The following TBC1D14 variants were observed in gnomAD, a reference collection of about 807,000 sequenced individuals.
TBC1D14 encodes the protein TBC1 domain family member 14.
Under a neutral mutation model 79.0 loss-of-function variants are expected in TBC1D14, and 26 were observed. The observed-to-expected ratio is 0.33, with a 90% confidence interval of 0.24 to 0.46. The LOEUF (loss-of-function observed/expected upper bound fraction) is 0.46, where lower values mean the gene tolerates loss of function less well. Ranked by LOEUF, TBC1D14 falls within the 20% of genes least tolerant of loss-of-function variation. TBC1D14 has a pLI of 1.00. For synonymous variants in TBC1D14, 394 were observed against 349.9 expected, an observed-to-expected ratio of 1.13 and a Z score of -1.40; for missense variants, 769 against 887.6, an observed-to-expected ratio of 0.87 and a Z score of 1.70.
At chr4:6,960,424 T>C (rs1341862607) in intron 2 of TBC1D14, among the ~76,000 whole-genome samples, 1 of 152,054 alleles carries the variant, frequency 6.6e-6, no homozygotes, top group Non-Finnish European at 1.5e-5. Flanking sequence ...AATATCCTGC[T>C]CCAGAAGCAA....
intron 12 of TBC1D14, among the ~76,000 whole-genome samples, chr4:7,020,125 T>C (rs1415552953): frequency 8.7e-6 from 1 of 115,356 alleles, no homozygotes; most frequent in Non-Finnish European, 1.8e-5. Flanking sequence ...GTATGTGAAC[T>C]CCTCTGGCCT....
At chr4:6,913,065 G>A (rs1425997390) in intron 1 of TBC1D14, among the ~76,000 whole-genome samples, 2 of 152,030 alleles carry the variant, frequency 1.3e-5, no homozygotes, top group African/African-American at 4.8e-5. Flanking sequence ...GTGAGATCTC[G>A]GCTCACTGCA....
At chr4:6,957,674 G>A (rs1714769538) in intron 2 of TBC1D14, among the ~76,000 whole-genome samples, 1 of 152,208 alleles carries the variant, frequency 6.6e-6, no homozygotes, top group South Asian at 2.1e-4. Flanking sequence ...AGAGGGAGAA[G>A]GCCAAGGCGG....
At chr4:6,987,106 G>T (rs1192272381) in intron 3 of TBC1D14, 2 of 763,726 alleles carry the variant, frequency 2.6e-6, no homozygotes, top group Non-Finnish European at 3.2e-6. Context: ...GCCCCTCGCC[G>T]CTCATCAGCC....
At chr4:6,997,625 C>CAA (rs1192612664) in intron 5 of TBC1D14, among the ~76,000 whole-genome samples, 1 of 149,580 alleles carries the variant, frequency 6.7e-6, no homozygotes, top group African/African-American at 2.5e-5. Flanking sequence ...GACTCCATCT[C>CAA]AAAAAAAAAT....
At position 7,016,656 on chromosome 4, in the gene TBC1D14, G is replaced by T. The variant is rs1721312560; in HGVS notation, c.1757+2099G>T. Among the ~76,000 whole-genome samples, 3 of 152,240 alleles carry T rather than the reference G, an allele frequency of 2.0e-5. No individual in the cohort carries two copies. The South Asian group carries it at 6.2e-4, about 32-fold the overall frequency. ...GTGCAGAAACTTAACACGTACGTAT[G>T]CTGGGAACGGTGGTTTCATGACCCA... On this transcript the variant is annotated intron_variant, in intron 12 of 13. Transcript: ENST00000409757.
chr4:7,024,895 C>T, intron 12 of TBC1D14, 109 bp from the exon 13 acceptor site: 1 of 1,479,108 alleles, frequency 6.8e-7, no homozygotes, highest in Non-Finnish European at 9.2e-7. Flanking sequence ...CCAGCTGTTG[C>T]CTGAAAGTGA....
At chr4:6,973,891 T>C (rs940596905) in intron 3 of TBC1D14, among the ~76,000 whole-genome samples, 1 of 152,170 alleles carries the variant, frequency 6.6e-6, no homozygotes, top group East Asian at 1.9e-4. Flanking sequence ...TGGCGCAATC[T>C]TGGCTTACTG....
intron 2 of TBC1D14, among the ~76,000 whole-genome samples, chr4:6,940,534 G>T (rs1046367306): frequency 6.6e-6 from 1 of 152,182 alleles, no homozygotes; most frequent in Non-Finnish European, 1.5e-5. Context: ...CAGCCTTGCT[G>T]GGGTTGAGGT....
chr4:6,922,845 G>A (rs1723973420), intron 1 of TBC1D14, among the ~76,000 whole-genome samples: 1 of 151,996 alleles, frequency 6.6e-6, no homozygotes, highest in Non-Finnish European at 1.5e-5. Flanking sequence ...TTTTTACTTC[G>A]GGTGCATCCT....
intron 3 of TBC1D14, among the ~76,000 whole-genome samples, chr4:6,989,116 C>T (rs553154999): frequency 6.6e-6 from 1 of 151,990 alleles, no homozygotes; most frequent in South Asian, 2.1e-4. Context: ...TTGAAGCAGG[C>T]TTTTCCCCCG....
chr4:6,980,592 T>A (rs1717277041), intron 3 of TBC1D14, among the ~76,000 whole-genome samples: 1 of 151,716 alleles, frequency 6.6e-6, no homozygotes, highest in Non-Finnish European at 1.5e-5. Flanking sequence ...TTTGAAATGA[T>A]CAACAAAATT....
chr4:6,956,938 C>T lies in TBC1D14; in HGVS notation c.723-10366C>T, dbSNP rs914479510. 9.2e-5 allele frequency among the ~76,000 whole-genome samples: 14 copies of T among 152,228 alleles called. No individual in the cohort carries two copies. The East Asian group carries it at 2.3e-3, about 25-fold the overall frequency. ...TGGACAGCCAGTAAGCTGCTTCCGG[C>T]TACTTGGTTGTCTTTGCCTTTTTAC... On this transcript the variant is annotated intron_variant, in intron 2 of 13. Coordinates refer to ENST00000409757, the MANE Select transcript of TBC1D14 (RefSeq NM_020773.3).
chr4:6,920,304 C>T (rs980396501), intron 1 of TBC1D14, among the ~76,000 whole-genome samples: 2 of 151,500 alleles, frequency 1.3e-5, no homozygotes, highest in African/African-American at 4.9e-5. Context: ...CAGGATTGTG[C>T]CCTGTTGCCC....
At chr4:6,984,465 C>T (rs747891363) in intron 3 of TBC1D14, among the ~76,000 whole-genome samples, 12 of 149,754 alleles carry the variant, frequency 8.0e-5, no homozygotes, top group African/African-American at 2.0e-4. Flanking sequence ...AGTAATAATT[C>T]GGTGTGGTTT....
chr4:7,018,988 G>T (rs929226139), intron 12 of TBC1D14, among the ~76,000 whole-genome samples: 1 of 152,094 alleles, frequency 6.6e-6, no homozygotes, highest in Admixed American at 6.6e-5. Flanking sequence ...AATGATCCTT[G>T]GAGATGCTGT....
At chr4:6,926,011 A>G (rs372199617) in intron 2 of TBC1D14, among the ~76,000 whole-genome samples, 10 of 152,252 alleles carry the variant, frequency 6.6e-5, no homozygotes, top group East Asian at 5.8e-4. Context: ...TTGGAATTCA[A>G]CCGACCTGTG....
At chr4:6,953,022 TC>T (rs1443446905) in intron 2 of TBC1D14, among the ~76,000 whole-genome samples, 2 of 84,096 alleles carry the variant, frequency 2.4e-5, no homozygotes, top group Admixed American at 3.0e-4. Flanking sequence ...TTTTTTTCTT[TC>T]TTTTTTTTTT....
chr4:7,020,610 G>T (rs1432851039), intron 12 of TBC1D14, among the ~76,000 whole-genome samples: 1 of 152,152 alleles, frequency 6.6e-6, no homozygotes, highest in Admixed American at 6.5e-5. Flanking sequence ...CTTCTTAATG[G>T]GTGAGACTAC....
Sources: allele counts gnomAD v4.1 joint callset (sites outside exome capture counted in the v4.1 genomes callset), GRCh38; gene constraint gnomAD v4.1.1; transcripts MANE v1.5; gene names NCBI Gene and HGNC (gene_info 2026-07-23, HGNC 2026-07-21).